Variants in TYW1 observed in about 807,000 individuals in gnomAD.
TYW1 encodes tRNA-yW synthesizing protein 1 homolog.
TYW1 carries 46 observed loss-of-function variants against 96.2 expected under a neutral mutation model. That is an observed-to-expected ratio of 0.48 (90% CI 0.38 to 0.61). The LOEUF is 0.61. TYW1 is among the 20% of genes least tolerant of loss of function. The pLI is 0.00. For synonymous variants in TYW1, 274 were observed against 323.0 expected, an observed-to-expected ratio of 0.85 and a Z score of 1.63; for missense variants, 684 against 909.6, an observed-to-expected ratio of 0.75 and a Z score of 3.19.
chr7:67,061,741 T>C (rs1205637086), intron 9 of TYW1, among the ~76,000 whole-genome samples: 2 of 152,216 alleles, frequency 1.3e-5, no homozygotes, highest in Admixed American at 6.5e-5. Context: ...TAATGGTTGG[T>C]GAATTTTGGG....
At chr7:67,050,159 A>G (rs1264742698) in intron 8 of TYW1, 93 bp downstream of exon 8, 4 of 1,417,532 alleles carry the variant, frequency 2.8e-6, no homozygotes, top group Admixed American at 1.9e-5. Flanking sequence ...TTAGCTCAGC[A>G]GCTGTTCATA....
intron 13 of TYW1, among the ~76,000 whole-genome samples, chr7:67,155,931 G>A (rs1798956290): frequency 6.6e-6 from 1 of 152,020 alleles, no homozygotes. Flanking sequence ...CTGGGTGGGC[G>A]CAGCAGTGTA....
intron 4 of TYW1, among the ~76,000 whole-genome samples, chr7:67,013,484 T>G (rs572950352): frequency 2.6e-3 from 397 of 152,132 alleles, no homozygotes; most frequent in African/African-American, 7.1e-3. Context: ...GTAATGGACC[T>G]AGAACATGGT....
intron 14 of TYW1, among the ~76,000 whole-genome samples, chr7:67,191,495 G>C (rs1800217341): frequency 6.6e-6 from 1 of 151,420 alleles, no homozygotes; most frequent in African/African-American, 2.4e-5. Flanking sequence ...TCTTCAGACT[G>C]TTCTTTATTC....
At chr7:67,155,668 C>T (rs1428748382) in intron 13 of TYW1, among the ~76,000 whole-genome samples, 1 of 152,118 alleles carries the variant, frequency 6.6e-6, no homozygotes, top group Non-Finnish European at 1.5e-5. Flanking sequence ...AAGTGATTCT[C>T]ATGCCTCAGC....
At chr7:67,147,336 C>T (rs1042171030) in intron 13 of TYW1, among the ~76,000 whole-genome samples, 2 of 152,052 alleles carry the variant, frequency 1.3e-5, no homozygotes, top group Admixed American at 6.6e-5. Flanking sequence ...CTGGAGCATC[C>T]ATGGATTTTG....
intron 3 of TYW1, 35 bp downstream of exon 3, chr7:66,998,989 C>T (rs775635862): frequency 1.2e-6 from 2 of 1,611,004 alleles, no homozygotes; most frequent in Admixed American, 1.7e-5. Context: ...CCTTTGGTTT[C>T]CTGACATTTT....
At chr7:67,170,233 G>A (rs1799475144) in intron 13 of TYW1, among the ~76,000 whole-genome samples, 1 of 152,092 alleles carries the variant, frequency 6.6e-6, no homozygotes, top group South Asian at 2.1e-4. Flanking sequence ...AAAATCAATT[G>A]GCTGTTAAGT....
intron 9 of TYW1, among the ~76,000 whole-genome samples, chr7:67,061,498 C>G (rs1736730800): frequency 6.6e-6 from 1 of 152,142 alleles, no homozygotes; most frequent in Non-Finnish European, 1.5e-5. Flanking sequence ...CAAACCAGGG[C>G]AGATTTTAGA....
intron 7 of TYW1, among the ~76,000 whole-genome samples, chr7:67,032,306 G>T (rs1167004296): frequency 6.6e-6 from 1 of 151,986 alleles, no homozygotes; most frequent in Non-Finnish European, 1.5e-5. Context: ...GAGCAGCTGC[G>T]GGGAGGCAGG....
At chr7:67,085,700 G>A (rs1243163508) in intron 11 of TYW1, among the ~76,000 whole-genome samples, 1 of 152,158 alleles carries the variant, frequency 6.6e-6, no homozygotes, top group Non-Finnish European at 1.5e-5. Flanking sequence ...TTAGCACGGT[G>A]CCTCACGCTT....
chr7:67,154,719 C>G (rs1584628889), intron 13 of TYW1, among the ~76,000 whole-genome samples: 1 of 124,340 alleles, frequency 8.0e-6, no homozygotes. Context: ...TTGTCTATCT[C>G]TCTCTCTCAA....
At chr7:67,107,558 C>A (rs1439420542) in intron 12 of TYW1, among the ~76,000 whole-genome samples, 1 of 152,024 alleles carries the variant, frequency 6.6e-6, no homozygotes, top group Non-Finnish European at 1.5e-5. Flanking sequence ...TTTCAGTGCC[C>A]GCTTTCCTCA....
intron 14 of TYW1, among the ~76,000 whole-genome samples, chr7:67,188,440 G>C (rs1183391667): frequency 2.6e-5 from 4 of 152,194 alleles, no homozygotes; most frequent in Non-Finnish European, 4.4e-5. Flanking sequence ...TTAACACTTA[G>C]AAGTGAATCT....
At chr7:67,049,674 G>A (rs1454478579) in intron 7 of TYW1, among the ~76,000 whole-genome samples, 1 of 152,030 alleles carries the variant, frequency 6.6e-6, no homozygotes, top group Non-Finnish European at 1.5e-5. Context: ...AGCCTCCTGA[G>A]TAGCTGGGAT....
chr7:67,034,519 A>G (rs1171126240), intron 7 of TYW1, among the ~76,000 whole-genome samples: 1 of 152,028 alleles, frequency 6.6e-6, no homozygotes, highest in Non-Finnish European at 1.5e-5. Context: ...TCAGTTTGAC[A>G]GTATTCTTGC....
At chr7:67,203,578 A>C (rs1007677180) in intron 15 of TYW1, among the ~76,000 whole-genome samples, 1 of 152,184 alleles carries the variant, frequency 6.6e-6, no homozygotes, top group Non-Finnish European at 1.5e-5. Context: ...TCCCTCCCTT[A>C]CTTAGAATAT....
At chr7:67,005,843 G>A (rs1364011119) in intron 3 of TYW1, among the ~76,000 whole-genome samples, 1 of 152,046 alleles carries the variant, frequency 6.6e-6, no homozygotes, top group African/African-American at 2.4e-5. Flanking sequence ...GATCCTACAC[G>A]TGTGGCTCTT....
intron 4 of TYW1, among the ~76,000 whole-genome samples, chr7:67,010,642 A>AT (rs900993942): frequency 6.6e-5 from 10 of 151,522 alleles, no homozygotes; most frequent in African/African-American, 2.4e-4. Context: ...CACCCGACAA[A>AT]TTTTTTGTAT....
Sources: gnomAD v4.1 joint callset for allele counts (sites outside exome capture counted in the v4.1 genomes callset) on GRCh38, gnomAD v4.1.1 for gene constraint, MANE v1.5 for transcripts, NCBI Gene and HGNC (gene_info 2026-07-23, HGNC 2026-07-21) for gene names.